NEU4: variants seen among roughly 807,000 people sequenced by gnomAD.
NEU4 encodes the protein neuraminidase 4, also known as sialidase-4.
Under a neutral mutation model 9.9 loss-of-function variants are expected in NEU4, and 7 were observed. The ratio of observed to expected loss-of-function variants is 0.71; its 90% confidence interval spans 0.40 to 1.33. The LOEUF (loss-of-function observed/expected upper bound fraction) is 1.33. NEU4 is among the 40% of genes most tolerant of loss of function. NEU4 has a pLI of 0.01. For missense variants in NEU4, 717 were observed against 712.6 expected (o/e 1.01, Z -0.07); for synonymous variants, 348 against 316.9 (o/e 1.10, Z -1.04).
chr2:241,815,416 G>C (rs587642586), intron 3 of NEU4: 1 of 592,432 alleles, frequency 1.7e-6, no homozygotes, highest in African/African-American at 1.9e-5. Context: ...CCCCAGGACC[G>C]TCCTGCACCT....
In NEU4 at chr2:241,816,430, C is replaced by A; in HGVS notation, c.837C>A (p.Ser279Arg). ...AGACTGCCTGGGGCTGCCAGGGCAG[C>A]ATCGTGGGCTTCCCAGCCCCCGCCC... ...LPETAWGCQG[S>R]IVGFPAPAPN... The change falls in exon 4 of 4, where the codon AGC becomes AGA. Residue 279 changes from serine (S) to arginine (R), a missense_variant. Coordinates refer to ENST00000407683, the MANE Select transcript of NEU4 (RefSeq NM_001167600.3). The A allele has an allele frequency of 6.2e-7, 1 of 1,607,316 alleles. No individual in the cohort carries two copies. The highest frequency in any genetic ancestry group is 8.5e-7 in the Non-Finnish European group (1 of 1,178,550).
chr2:241,815,293 C>T (rs80214403), intron 3 of NEU4, 146 bp downstream of exon 3: 108 of 1,077,676 alleles, frequency 1.0e-4, no homozygotes, highest in Middle Eastern at 7.4e-4. Flanking sequence ...GACTGTTCTG[C>T]GCCTCCCGTC....
Position 241,816,792 on chromosome 2 carries a change from C to T in NEU4, c.1199C>T (p.Pro400Leu), listed in dbSNP as rs757037401. 3.6e-5 allele frequency: 57 copies of T among 1,597,040 alleles called. No individual in the cohort carries two copies. Among genetic ancestry groups the T allele is most frequent in the African/African-American group, 2.3e-4 (17 of 74,528 alleles). Residue 400 changes from proline (P) to leucine (L), a missense_variant, in exon 4 of 4, where the codon CCG (proline) becomes CTG (leucine). Pro to Leu is a moderately conservative substitution (Grantham distance 98, BLOSUM62 -3). Coordinates refer to ENST00000407683, the MANE Select transcript of NEU4 (RefSeq NM_001167600.3). ...LHMGIRLSQSPLDPRSWTEPW... is the reference protein window; with the variant it reads ...LHMGIRLSQSLLDPRSWTEPW... Reference sequence around the variant, plus strand: ...ATGGGTATCCGCCTGAGCCAGTCCCCGCTGGACCCGCGCAGCTGGACAGAG... The same window carrying T: ...ATGGGTATCCGCCTGAGCCAGTCCCTGCTGGACCCGCGCAGCTGGACAGAG...
intron 1 of NEU4, 165 bp from the exon 2 acceptor site, chr2:241,814,289 GGGGAGGGGCTGCTCCAGATCTGGGGTGA>G: frequency 3.2e-6 from 2 of 622,534 alleles, no homozygotes; most frequent in Non-Finnish European, 5.8e-6. Flanking sequence ...AGGGAGGGTG[GGGGAGGGGCTGCTCCAGATCTGGGGTGA>G]GGGAGTCAGA....
At position 241,816,675 on chromosome 2, in the gene NEU4, C is replaced by T; in HGVS notation, c.1082C>T (p.Thr361Ile). ...PGVSGDVGSW[T>I]LALPMPFAAP... ...GTCAGTGGGGATGTGGGGTCCTGGA[C>T]CCTGGCACTCCCCATGCCCTTTGCT... is the stretch of plus-strand genomic sequence containing the variant. The change falls in exon 4 of 4, where the codon ACC becomes ATC. Residue 361 changes from threonine (T) to isoleucine (I), a missense_variant. Transcript: ENST00000407683. 6.6e-7 allele frequency: 1 copy of T among 1,524,410 alleles called. No homozygotes were observed. The highest frequency in any genetic ancestry group is 2.4e-5 in the East Asian group (1 of 41,910). The allele number at this position is 1,524,410 out of a possible 1,614,324, so 94.4% of individuals were successfully genotyped here.
intron 1 of NEU4, chr2:241,811,201 G>C (rs1393634203): frequency 2.4e-6 from 3 of 1,235,998 alleles, no homozygotes; most frequent in Non-Finnish European, 3.0e-6. Flanking sequence ...CAGCACCCCA[G>C]TGTTGAGTGC....
chr2:241,815,971 C>G, intron 3 of NEU4, 80 bp from the exon 4 acceptor site: 1 of 1,372,424 alleles, frequency 7.3e-7, no homozygotes, highest in African/African-American at 1.5e-5. Context: ...CCCCTCCTTC[C>G]CCGTCCCCCT....
At position 241,817,014 on chromosome 2, in the gene NEU4, G is replaced by A; in HGVS notation, c.1421G>A (p.Gly474Glu). Residue 474 changes from glycine (G) to glutamate (E), a missense_variant, in exon 4 of 4, where the codon GGG becomes GAG. Transcript: ENST00000407683. ...GCCAGCCCCAAACCGCCCAACCTTGGGGACAAGCCTCGGGGGTGCTGCTGG... is the reference window on the plus strand; with the variant it reads ...GCCAGCCCCAAACCGCCCAACCTTGAGGACAAGCCTCGGGGGTGCTGCTGG... ...VPASPKPPNL[G>E]DKPRGCCWPS 6.2e-7 allele frequency: 1 copy of A among 1,606,654 alleles called. No individual in the cohort carries two copies. Among genetic ancestry groups the A allele is most frequent in the Non-Finnish European group, 8.5e-7 (1 of 1,177,084 alleles).
At chr2:241,815,934 T>C (rs1054704368) in intron 3 of NEU4, 117 bp from the exon 4 acceptor site, 2 of 1,017,024 alleles carry the variant, frequency 2.0e-6, no homozygotes, top group Non-Finnish European at 2.8e-6. Flanking sequence ...GCGGTCAGAG[T>C]GCGATGGTCC....
rs778871296 is a variant in NEU4 at position 241,817,399 on chromosome 2, C to T, written c.*351C>T. 73 of 347,702 alleles carry T rather than the reference C, an allele frequency of 2.1e-4. No homozygotes were observed. The highest frequency in any genetic ancestry group is 3.0e-4 in the Non-Finnish European group (58 of 192,286). 21.5% of individuals were successfully genotyped at this position (347,702 alleles called of 1,614,324 possible). ...GCTTTCTGGCTCGAAATAAAGGAAT[C>T]GTGCTTGTGTCGGGGTAGACGTTTC... On this transcript the variant is annotated 3_prime_UTR_variant, in exon 4 of 4. Transcript: ENST00000407683.
chr2:241,811,985 G>T (rs181036015), intron 1 of NEU4: 8 of 154,760 alleles, frequency 5.2e-5, no homozygotes, highest in African/African-American at 1.7e-4. Flanking sequence ...CACTTTATGT[G>T]GGTGCATGTG....
At chr2:241,815,913 C>T (rs577706771) in intron 3 of NEU4, 138 bp from the exon 4 acceptor site, 98 of 848,718 alleles carry the variant, frequency 1.2e-4, no homozygotes, top group African/African-American at 8.0e-4. Flanking sequence ...TGGGATGAGT[C>T]GTGTGGAAGG....
At chr2:241,811,258 G>A in intron 1 of NEU4, 1 of 1,259,502 alleles carries the variant, frequency 7.9e-7, no homozygotes, top group Non-Finnish European at 1.0e-6. Flanking sequence ...CGTCTGTGTG[G>A]CTCCTGGGTG....
chr2:241,817,127 T>C lies in NEU4; in HGVS notation c.*79T>C. The C allele has an allele frequency of 1.4e-6, 2 of 1,379,698 alleles. No individual in the cohort carries two copies. Among genetic ancestry groups the C allele is most frequent in the Non-Finnish European group, 1.9e-6 (2 of 1,042,882 alleles). 85.5% of individuals were successfully genotyped at this position (1,379,698 alleles called of 1,614,324 possible). ...ATACGTTGGGGTGCCCCACGATAGC[T>C]GTGGGGGGGGCTCTTAGTGCAGGAT... On this transcript the variant is annotated 3_prime_UTR_variant, in exon 4 of 4. Transcript: ENST00000407683.
At chr2:241,811,971 T>C (rs543810429) in intron 1 of NEU4, 204 of 156,544 alleles carry the variant, frequency 1.3e-3, no homozygotes, top group African/African-American at 4.4e-3. Flanking sequence ...GCAAAGGGCC[T>C]CTGCACTTTA....
intron 1 of NEU4, among the ~76,000 whole-genome samples, chr2:241,812,659 G>A (rs116509327): frequency 6.2e-5 from 8 of 129,948 alleles, no homozygotes; most frequent in South Asian, 2.6e-4. Context: ...TGGAGGACAC[G>A]GAGGCTCTGT....
chr2:241,811,720 G>A (rs371908332), intron 1 of NEU4: 7 of 391,860 alleles, frequency 1.8e-5, no homozygotes, highest in Non-Finnish European at 3.2e-5. Flanking sequence ...CACAGGGTGG[G>A]TGTGACACTG....
intron 1 of NEU4, chr2:241,814,228 T>G: frequency 3.3e-5 from 20 of 612,112 alleles, no homozygotes; most frequent in South Asian, 3.5e-5. Context: ...CAGAGCCGTG[T>G]TGAGAGGGGA....
intron 1 of NEU4, 38 bp from the exon 2 acceptor site, chr2:241,814,444 C>T (rs1454844018): frequency 6.3e-7 from 1 of 1,585,034 alleles, no homozygotes. Context: ...GCTCCCTGGG[C>T]CTGTCTTGCT....
Sources: gnomAD v4.1 joint callset for allele counts (sites outside exome capture counted in the v4.1 genomes callset) on GRCh38, gnomAD v4.1.1 for gene constraint, MANE v1.5 for transcripts, NCBI Gene and HGNC (gene_info 2026-07-23, HGNC 2026-07-21) for gene names.